Variants in SLC22A5 observed in about 807,000 individuals in gnomAD.
SLC22A5 encodes solute carrier family 22 member 5.
Under a neutral mutation model 56.7 loss-of-function variants are expected in SLC22A5, and 44 were observed. The observed-to-expected ratio is 0.78, with a 90% CI of 0.61 to 1.00. The LOEUF (loss-of-function observed/expected upper bound fraction) is 1.00, where lower values mean the gene tolerates loss of function less well. Among genes scored for constraint, SLC22A5 ranks in the 50% least tolerant of loss-of-function variants. The pLI, the probability that SLC22A5 is intolerant of heterozygous loss-of-function variation, is 0.00. For synonymous variants in SLC22A5, 278 were observed against 292.1 expected (o/e 0.95, Z 0.49); for missense variants, 675 against 723.0 (o/e 0.93, Z 0.76).
chr5:132,387,241 G>A, intron 5 of SLC22A5, 90 bp downstream of exon 5: 1 of 1,510,282 alleles, frequency 6.6e-7, no homozygotes, highest in Non-Finnish European at 9.2e-7. Flanking sequence ...CCTGCTCACA[G>A]CAGCCCAGCC....
intron 1 of SLC22A5, among the ~76,000 whole-genome samples, chr5:132,375,287 C>G (rs1752099024): frequency 1.3e-5 from 2 of 152,178 alleles, no homozygotes. Context: ...AATACCTTTT[C>G]TCTTTGCTCT....
chr5:132,389,418 C>A, intron 6 of SLC22A5: 1 of 315,874 alleles, frequency 3.2e-6, no homozygotes, highest in Non-Finnish European at 6.2e-6. Context: ...CAGAGGCTGC[C>A]AGTTACTTTC....
intron 3 of SLC22A5, among the ~76,000 whole-genome samples, chr5:132,384,749 T>C (rs1463860826): frequency 6.6e-6 from 1 of 152,214 alleles, no homozygotes; most frequent in African/African-American, 2.4e-5. Flanking sequence ...TGGTGATATC[T>C]ACGGACAAGA....
At chr5:132,379,265 G>A (rs535779225) in intron 2 of SLC22A5, 1 of 152,638 alleles carries the variant, frequency 6.6e-6, no homozygotes, top group South Asian at 2.1e-4. Context: ...TTCAGGGTCT[G>A]TCAGAGAAGA....
chr5:132,370,237 A>G lies in SLC22A5; in HGVS notation c.265A>G (p.Ile89Val), dbSNP rs765849408. ...HSCRRYRLAT[I>V]ANFSALGLEP... ...CTGCCGCCGCTACCGGCTCGCCACC[A>G]TCGCCAACTTCTCGGCGCTTGGGCT... The change falls in exon 1 of 10, where the codon ATC becomes GTC. Residue 89 changes from isoleucine to valine, a missense_variant. Transcript: ENST00000245407. 10 of 1,573,270 alleles carry G rather than the reference A, an allele frequency of 6.4e-6. No individual in the cohort carries two copies. Among genetic ancestry groups the G allele is most frequent in the Non-Finnish European group, 7.7e-6 (9 of 1,161,716 alleles).
chr5:132,370,402 T>G (rs2126765733), intron 1 of SLC22A5, 37 bp downstream of exon 1: 1 of 1,605,680 alleles, frequency 6.2e-7, no homozygotes, highest in Non-Finnish European at 8.5e-7. Context: ...AGACCAGGGC[T>G]CGGAGGACCT....
At position 132,370,035 on chromosome 5, in the gene SLC22A5, C is replaced by T. The variant is rs769437903; in HGVS notation, c.63C>T (p.Ile21=). ...LGEWGPFQRL[I]FFLLSASIIP... is the part of the protein sequence containing the mutation. ...AGTGGGGGCCCTTCCAGCGCCTCAT[C>T]TTCTTCCTGCTCAGCGCCAGCATCA... is the stretch of plus-strand genomic sequence containing the variant. The change falls in exon 1 of 10, where the codon ATC becomes ATT. Residue 21 remains isoleucine, a synonymous_variant. Transcript: ENST00000245407. The T allele has an allele frequency of 5.0e-6, 8 of 1,613,308 alleles. No homozygotes were observed. Among genetic ancestry groups the T allele is most frequent in the Non-Finnish European group, 5.9e-6 (7 of 1,179,734 alleles).
At chr5:132,378,281 G>C (rs1752218352) in intron 1 of SLC22A5, 97 bp from the exon 2 acceptor site, 1 of 1,613,228 alleles carries the variant, frequency 6.2e-7, no homozygotes, top group Non-Finnish European at 8.5e-7. Context: ...GAGCGTGTGG[G>C]GATGGCAGGA....
intron 1 of SLC22A5, among the ~76,000 whole-genome samples, chr5:132,370,953 CTT>C (rs750736082): frequency 6.0e-5 from 8 of 133,756 alleles, no homozygotes; most frequent in African/African-American, 1.1e-4. Context: ...AGTTGTCAGT[CTT>C]TTTTTTTTTT....
intron 5 of SLC22A5, among the ~76,000 whole-genome samples, 173 bp from the exon 6 acceptor site, chr5:132,388,748 G>A (rs1362174594): frequency 6.6e-6 from 1 of 152,094 alleles, no homozygotes; most frequent in Non-Finnish European, 1.5e-5. Flanking sequence ...CAAGGCCTAG[G>A]GAAGTTTTCA....
chr5:132,377,935 T>C (rs1000902101), intron 1 of SLC22A5: 2 of 625,714 alleles, frequency 3.2e-6, no homozygotes, highest in African/African-American at 3.7e-5. Context: ...CCTTAGTTTC[T>C]TGCTGGATGC....
At chr5:132,375,801 G>C (rs1752122754) in intron 1 of SLC22A5, among the ~76,000 whole-genome samples, 1 of 152,202 alleles carries the variant, frequency 6.6e-6, no homozygotes, top group Non-Finnish European at 1.5e-5. Flanking sequence ...ATTGTTTTCA[G>C]GTTGGGCCTG....
chr5:132,370,149 C>A lies in SLC22A5; in HGVS notation c.177C>A (p.Ser59Arg). 3 of 1,608,976 alleles carry A rather than the reference C, an allele frequency of 1.9e-6. No homozygotes were observed. The highest frequency in any genetic ancestry group is 2.5e-6 in the Non-Finnish European group (3 of 1,178,102). The change falls in exon 1 of 10, where the codon AGC becomes AGA. Residue 59 changes from serine to arginine, a missense_variant. Physicochemically the swap from Ser to Arg is moderately radical, Grantham distance 110. Transcript: ENST00000245407. ...RCRVPDAANL[S>R]SAWRNHTVPL... is the part of the protein sequence containing the mutation. ...GGGTGCCGGACGCCGCGAACCTGAG[C>A]AGCGCCTGGCGCAACCACACTGTCC...
chr5:132,390,822 A>T lies in SLC22A5; in HGVS notation c.1185A>T (p.Gln395His). The change falls in exon 7 of 10, where the codon CAA (glutamine) becomes CAT (histidine). Residue 395 changes from glutamine (Q) to histidine (H), a missense_variant. Physicochemically the swap from Gln to His is conservative, Grantham distance 24. Transcript: ENST00000245407. The stretch of plus-strand genomic sequence containing the variant: ...ATGTGTTGGCCTGGCTGCTGCTGCA[A>T]TATTTGCCCCGGCGCTATTCCATGG... Reference protein sequence around the residue: ...PAYVLAWLLLQYLPRRYSMAT... With the variant: ...PAYVLAWLLLHYLPRRYSMAT... 4 of 1,614,142 alleles carry T rather than the reference A, an allele frequency of 2.5e-6. No homozygotes were observed. The highest frequency in any genetic ancestry group is 3.4e-6 in the Non-Finnish European group (4 of 1,180,026).
intron 1 of SLC22A5, chr5:132,378,000 T>A (rs1752206029): frequency 8.9e-7 from 1 of 1,124,440 alleles, no homozygotes; most frequent in African/African-American, 1.6e-5. Context: ...GTGACGTTCA[T>A]GCCAATGGCC....
intron 3 of SLC22A5, 90 bp downstream of exon 3, chr5:132,384,391 T>C: frequency 7.7e-6 from 10 of 1,302,322 alleles, no homozygotes; most frequent in Non-Finnish European, 1.0e-5. Context: ...GTGATGTCCC[T>C]CAAGGGGGAC....
intron 1 of SLC22A5, among the ~76,000 whole-genome samples, chr5:132,374,631 A>G (rs564721458): frequency 6.6e-6 from 1 of 152,164 alleles, no homozygotes; most frequent in South Asian, 2.1e-4. Context: ...CCCGTGGCCC[A>G]CTATGCACGT....
chr5:132,390,743 A>C lies in SLC22A5; in HGVS notation c.1106A>C (p.His369Pro), dbSNP rs756015838. The C allele has an allele frequency of 5.6e-6, 9 of 1,614,226 alleles. No individual in the cohort carries two copies. In the South Asian group the frequency reaches 9.9e-5, roughly 18 times the overall value. The change falls in exon 7 of 10, where the codon CAT becomes CCT. Residue 369 changes from histidine to proline, a missense_variant. Physicochemically the swap from His to Pro is moderately conservative, Grantham distance 77. Coordinates refer to ENST00000245407, the MANE Select transcript of SLC22A5 (RefSeq NM_003060.4). ...CTTTCGCTTGATACTCCTAACTTGC[A>C]TGGGGACATCTTTGTGAACTGCTTC... ...FGLSLDTPNL[H>P]GDIFVNCFLS...
rs1752742002 is a variant in SLC22A5, at chr5:132,392,593, G to A, written c.1428G>A (p.Leu476=). 1.2e-6 allele frequency: 2 copies of A among 1,614,034 alleles called. No homozygotes were observed. Among genetic ancestry groups the A allele is most frequent in the Admixed American group, 1.7e-5 (1 of 60,016 alleles). ...CAGCATCCCGCCTGGGCAGCATCCT[G>A]TCTCCCTACTTCGTTTACCTTGGTA... The part of the protein sequence containing the change: ...SSTASRLGSI[L]SPYFVYLGAY... The change falls in exon 8 of 10, where the codon CTG becomes CTA. Residue 476 remains leucine, a synonymous_variant. Transcript: ENST00000245407.
Sources: allele counts gnomAD v4.1 joint callset (sites outside exome capture counted in the v4.1 genomes callset), GRCh38; gene constraint gnomAD v4.1.1; transcripts MANE v1.5; gene names NCBI Gene and HGNC (gene_info 2026-07-23, HGNC 2026-07-21).